The following TMTC1 variants were observed in gnomAD, a reference collection of about 807,000 sequenced individuals.
TMTC1 encodes transmembrane O-mannosyltransferase targeting cadherins 1, also known as protein O-mannosyl-transferase TMTC1.
TMTC1 carries 73 observed loss-of-function variants against 104.8 expected under a neutral mutation model. The observed-to-expected ratio is 0.70, with a 90% confidence interval of 0.58 to 0.85. The LOEUF is 0.85. Among genes scored for constraint, TMTC1 ranks in the 40% least tolerant of loss-of-function variants. The pLI is 0.00. For synonymous variants in TMTC1, 434 were observed against 428.7 expected (o/e 1.01, Z -0.15); for missense variants, 1,035 against 1,096.1 (o/e 0.94, Z 0.79).
chr12:29,703,210 A>G (rs917987078), intron 5 of TMTC1, among the ~76,000 whole-genome samples: 1 of 151,990 alleles, frequency 6.6e-6, no homozygotes, highest in South Asian at 2.1e-4. Flanking sequence ...AACGGGTGGC[A>G]GGAAAAAAAC....
intron 5 of TMTC1, among the ~76,000 whole-genome samples, chr12:29,709,355 T>C (rs1204272775): frequency 6.6e-6 from 1 of 152,068 alleles, no homozygotes; most frequent in Non-Finnish European, 1.5e-5. Flanking sequence ...AACAACTTCA[T>C]AGGGCTGTGT....
intron 7 of TMTC1, 111 bp from the exon 8 acceptor site, chr12:29,583,685 A>G: frequency 1.1e-6 from 1 of 914,392 alleles, no homozygotes; most frequent in Non-Finnish European, 1.6e-6. Context: ...GTGCTAGAGA[A>G]ACAAATAGAA....
chr12:29,642,858 G>T (rs1474942446), intron 5 of TMTC1, among the ~76,000 whole-genome samples: 4 of 151,790 alleles, frequency 2.6e-5, no homozygotes, highest in African/African-American at 9.7e-5. Context: ...CCAGGAGGCG[G>T]AGCTTACAGT....
In TMTC1 at chr12:29,769,822, G is replaced by T. The variant is rs142920606; in HGVS notation, c.303-1747C>A. 4.6e-3 allele frequency among the ~76,000 whole-genome samples: 702 copies of T among 152,168 alleles called. 6 individuals carry two copies. Among genetic ancestry groups the T allele is most frequent in the African/African-American group, 0.016 (667 of 41,512 alleles). On this transcript the variant is annotated intron_variant, in intron 1 of 17. Coordinates refer to ENST00000539277, the MANE Select transcript of TMTC1 (RefSeq NM_001193451.2). ...TCTTGGTTGGCAACATGCATTGGAG[G>T]CTTTAAAAGGTATGCACTTTTGACT...
chr12:29,724,181 A>G (rs1373992722), intron 5 of TMTC1, among the ~76,000 whole-genome samples: 1 of 152,220 alleles, frequency 6.6e-6, no homozygotes, highest in African/African-American at 2.4e-5. Flanking sequence ...ATTAGGGAAA[A>G]ACAAATTACA....
rs544959180 is a variant in TMTC1, at chr12:29,555,800, T to C, written c.1676+1057A>G. Among the ~76,000 whole-genome samples, 74 of 152,354 alleles carry C rather than the reference T, an allele frequency of 4.9e-4. No homozygotes were observed. The South Asian group carries it at 0.015, about 30-fold the overall frequency. ...CAATAAACATATGTGTGCATGTGTC[T>C]TTACAGTAGAATGATTTGTAATCCT... On this transcript the variant is annotated intron_variant, in intron 10 of 17. Transcript: ENST00000539277.
In TMTC1 at chr12:29,506,681, C is replaced by T. The variant is rs1943700444; in HGVS notation, c.*165G>A. The T allele has an allele frequency of 7.8e-6, 6 of 769,636 alleles. No individual in the cohort carries two copies. Among genetic ancestry groups the T allele is most frequent in the African/African-American group, 1.7e-5 (1 of 57,414 alleles). The allele number at this position is 769,636 out of a possible 1,614,324, so 47.7% of individuals were successfully genotyped here. A position where few individuals can be genotyped will look rare whatever the true frequency, so the allele number is the denominator to read the frequency against. ...TCGTCTTCTTCATGGAAAAGCAAGT[C>T]CTTCAGCACTGGGCTACCAGCAGAT... On this transcript the variant is annotated 3_prime_UTR_variant, in exon 18 of 18. Coordinates refer to ENST00000539277, the MANE Select transcript of TMTC1 (RefSeq NM_001193451.2).
chr12:29,593,088 G>C (rs1946321870), intron 7 of TMTC1, among the ~76,000 whole-genome samples: 1 of 152,194 alleles, frequency 6.6e-6, no homozygotes, highest in African/African-American at 2.4e-5. Flanking sequence ...TGGGTCAAGA[G>C]AGCTGGGCCC....
rs1171744740 is a variant in TMTC1 at position 29,633,281 on chromosome 12, C to T, written c.994G>A (p.Val332Met). Residue 332 changes from valine to methionine, a missense_variant, in exon 6 of 18, where the codon GTG becomes ATG. By Grantham distance (21) the Val-to-Met change is conservative. Coordinates refer to ENST00000539277, the MANE Select transcript of TMTC1 (RefSeq NM_001193451.2). Reference sequence around the variant, plus strand: ...ACCTGCCAGTCATAGCACAGGGTCACGGGTGCAAGCAGAAGCCACACATTG... The same window carrying T: ...ACCTGCCAGTCATAGCACAGGGTCATGGGTGCAAGCAGAAGCCACACATTG... ...AFNVWLLLAPVTLCYDWQVGS... is the reference protein window; with the variant it reads ...AFNVWLLLAPMTLCYDWQVGS... 6.8e-6 allele frequency: 11 copies of T among 1,613,610 alleles called. No homozygotes were observed. The highest frequency in any genetic ancestry group is 4.4e-5 in the South Asian group (4 of 91,050).
At chr12:29,571,037 C>A (rs574655455) in intron 9 of TMTC1, among the ~76,000 whole-genome samples, 6 of 152,086 alleles carry the variant, frequency 3.9e-5, no homozygotes, top group African/African-American at 1.4e-4. Context: ...TCAAAATAAG[C>A]CTTGAGACAA....
intron 7 of TMTC1, 110 bp downstream of exon 7, chr12:29,604,068 T>G: frequency 7.1e-7 from 1 of 1,410,984 alleles, no homozygotes; most frequent in South Asian, 1.3e-5. Flanking sequence ...ATAATATCCC[T>G]TGTCCCATGA....
At chr12:29,589,746 C>T (rs1472940132) in intron 7 of TMTC1, among the ~76,000 whole-genome samples, 1 of 152,204 alleles carries the variant, frequency 6.6e-6, no homozygotes, top group Non-Finnish European at 1.5e-5. Context: ...GTTTGCGTGT[C>T]TAGTGAGCAC....
At chr12:29,521,196 C>G (rs1287247452) in intron 11 of TMTC1, 1 of 168,516 alleles carries the variant, frequency 5.9e-6, no homozygotes, top group Admixed American at 6.0e-5. Context: ...CTCTTTTTAT[C>G]TATATACTGT....
At chr12:29,684,607 C>G (rs1389652467) in intron 5 of TMTC1, among the ~76,000 whole-genome samples, 1 of 152,098 alleles carries the variant, frequency 6.6e-6, no homozygotes, top group East Asian at 1.9e-4. Flanking sequence ...CTATTTTTGA[C>G]ACTATTTCCC....
At chr12:29,665,048 C>T (rs1940220314) in intron 5 of TMTC1, among the ~76,000 whole-genome samples, 1 of 152,090 alleles carries the variant, frequency 6.6e-6, no homozygotes, top group African/African-American at 2.4e-5. Flanking sequence ...ACCAAATGGT[C>T]TCAGGGTCAG....
At chr12:29,652,097 A>C (rs1419016276) in intron 5 of TMTC1, among the ~76,000 whole-genome samples, 1 of 152,200 alleles carries the variant, frequency 6.6e-6, no homozygotes, top group East Asian at 1.9e-4. Flanking sequence ...TGAATGTGAA[A>C]GGTCTATGCC....
intron 1 of TMTC1, among the ~76,000 whole-genome samples, chr12:29,776,073 G>A (rs1016696284): frequency 6.6e-6 from 1 of 152,104 alleles, no homozygotes; most frequent in Non-Finnish European, 1.5e-5. Flanking sequence ...GATCCAACAA[G>A]GCCATTCCTT....
In TMTC1 at chr12:29,514,565, T is replaced by G; in HGVS notation, c.2347A>C (p.Lys783Gln). The G allele has an allele frequency of 3.7e-6, 6 of 1,614,090 alleles. No homozygotes were observed. The highest frequency in any genetic ancestry group is 5.1e-6 in the Non-Finnish European group (6 of 1,179,992). ...AGTTCAGAAATGACTTTTGGGTCCT[T>G]TGGTTTCAGCTGGAGAGCCTTGTCT... is the stretch of plus-strand genomic sequence containing the variant. ...AIDKALQLKP[K>Q]DPKVISELFF... The change falls in exon 16 of 18, where the codon AAG (lysine) becomes CAG (glutamine). Residue 783 changes from lysine to glutamine, a missense_variant. Lys to Gln is a moderately conservative substitution (Grantham distance 53, BLOSUM62 1). Transcript: ENST00000539277.
intron 7 of TMTC1, among the ~76,000 whole-genome samples, chr12:29,586,990 G>A (rs901004461): frequency 3.3e-5 from 5 of 152,084 alleles, no homozygotes; most frequent in Non-Finnish European, 5.9e-5. Context: ...CTATTGATTG[G>A]AATAGTTTCA....
Sources: gnomAD v4.1 joint callset for allele counts (sites outside exome capture counted in the v4.1 genomes callset) on GRCh38, gnomAD v4.1.1 for gene constraint, MANE v1.5 for transcripts, NCBI Gene and HGNC (gene_info 2026-07-23, HGNC 2026-07-21) for gene names.